The following YME1L1 variants were observed in gnomAD, a reference collection of about 807,000 sequenced individuals.
YME1L1 encodes YME1 like 1 ATPase.
YME1L1 carries 39 observed loss-of-function variants against 90.4 expected under a neutral mutation model. That is an observed-to-expected ratio of 0.43 (90% CI 0.33 to 0.56). The LOEUF (loss-of-function observed/expected upper bound fraction) is 0.56, where lower values mean the gene tolerates loss of function less well. Ranked by LOEUF, YME1L1 falls within the 20% of genes least tolerant of loss-of-function variation. YME1L1 has a pLI of 0.03. For missense variants in YME1L1, 617 were observed against 868.4 expected, an observed-to-expected ratio of 0.71 and a Z score of 3.64; for synonymous variants, 284 against 287.3, an observed-to-expected ratio of 0.99 and a Z score of 0.12.
At chr10:27,132,578 T>C (rs1217591646) in intron 7 of YME1L1, among the ~76,000 whole-genome samples, 1 of 151,838 alleles carries the variant, frequency 6.6e-6, no homozygotes, top group Non-Finnish European at 1.5e-5. Context: ...TCCCAGCACT[T>C]TGGGAGGCTG....
At chr10:27,133,718 T>C (rs778003296) in intron 7 of YME1L1, among the ~76,000 whole-genome samples, 2 of 152,208 alleles carry the variant, frequency 1.3e-5, no homozygotes, top group Non-Finnish European at 2.9e-5. Context: ...TGTGATTTTA[T>C]GAATAAACTG....
At chr10:27,140,009 A>T (rs938654557) in intron 4 of YME1L1, among the ~76,000 whole-genome samples, 3 of 151,246 alleles carry the variant, frequency 2.0e-5, no homozygotes, top group South Asian at 2.1e-4. Context: ...TATATCTTAA[A>T]TTTTTTTTTC....
chr10:27,127,734 A>G (rs1294442865), intron 8 of YME1L1, among the ~76,000 whole-genome samples: 3 of 152,214 alleles, frequency 2.0e-5, no homozygotes, highest in South Asian at 2.1e-4. Context: ...GGAGGCATCA[A>G]GGAGGTTCTG....
Position 27,138,764 on chromosome 10 carries a change from T to A in YME1L1, c.431-2379A>T, listed in dbSNP as rs991615458. Among the ~76,000 whole-genome samples, 10 of 152,262 alleles carry A rather than the reference T, an allele frequency of 6.6e-5. No individual in the cohort carries two copies. In the South Asian group the frequency reaches 1.7e-3, roughly 25 times the overall value. On this transcript the variant is annotated intron_variant, in intron 4 of 18. Transcript: ENST00000376016. ...TATAATTTTACTCCTTCTTTTGACT[T>A]ACATATGGCTCATTTCGTTTTCTTT...
intron 9 of YME1L1, 48 bp downstream of exon 9, chr10:27,126,648 T>C (rs773616886): frequency 1.9e-6 from 2 of 1,042,034 alleles, no homozygotes; most frequent in South Asian, 3.3e-5. Context: ...GTTTGTTTCT[T>C]TGTTTTTGTT....
chr10:27,119,782 C>T (rs2056848058), intron 13 of YME1L1, among the ~76,000 whole-genome samples: 1 of 149,998 alleles, frequency 6.7e-6, no homozygotes, highest in Non-Finnish European at 1.5e-5. Flanking sequence ...CCACTCCAGC[C>T]TAGGCAAAAA....
At chr10:27,127,918 C>T (rs537093100) in intron 8 of YME1L1, among the ~76,000 whole-genome samples, 57 of 152,166 alleles carry the variant, frequency 3.7e-4, no homozygotes, top group African/African-American at 1.3e-3. Flanking sequence ...TATCCATGTA[C>T]TAAAAGAAGA....
At position 27,134,107 on chromosome 10, in the gene YME1L1, G is replaced by C. The variant is rs767298905; in HGVS notation, c.707C>G (p.Thr236Ser). ...CAGCAGAACGAAGAGAATCAGACGG[G>C]TTCGCCTTAGGGAATCTAGGAGAGA... Reference protein sequence around the residue: ...TQKTNDSLRRTRLILFVLLLF... With the variant: ...TQKTNDSLRRSRLILFVLLLF... Residue 236 changes from threonine (T) to serine (S), a missense_variant, in exon 7 of 19, where the codon ACC (threonine) becomes AGC (serine). By Grantham distance (58) the Thr-to-Ser change is moderately conservative (BLOSUM62 1). This residue lies in a region of YME1L1 where 311 missense variants were observed against 335.8 expected (regional missense o/e 0.93). Transcript: ENST00000376016. The C allele has an allele frequency of 1.2e-6, 2 of 1,612,530 alleles. No homozygotes were observed. Among genetic ancestry groups the C allele is most frequent in the African/African-American group, 2.7e-5 (2 of 74,866 alleles).
intron 4 of YME1L1, among the ~76,000 whole-genome samples, chr10:27,140,735 C>T (rs1247486708): frequency 6.6e-6 from 1 of 152,164 alleles, no homozygotes; most frequent in African/African-American, 2.4e-5. Context: ...CCTCGGCCTA[C>T]CAAAGTGCTG....
chr10:27,149,405 G>C (rs1335151373), intron 1 of YME1L1, among the ~76,000 whole-genome samples: 2 of 152,106 alleles, frequency 1.3e-5, no homozygotes, highest in African/African-American at 4.8e-5. Context: ...CATTAGGGGA[G>C]CGGCAAAACA....
Position 27,154,165 on chromosome 10 carries a change from A to AC in YME1L1, c.33+12_33+13insG. On this transcript the variant is annotated intron_variant, in intron 1 of 18. Coordinates refer to ENST00000376016, the MANE Select transcript of YME1L1 (RefSeq NM_014263.4). ...GGCGGGAGGAAAAAAAATGGGCTGA[A>AC]TGCCTGGCTTACCTGGGGTTGCACC... 2 of 1,586,914 alleles carry AC rather than the reference A, an allele frequency of 1.3e-6. No homozygotes were observed. Among genetic ancestry groups the AC allele is most frequent in the South Asian group, 2.3e-5 (2 of 87,270 alleles).
intron 8 of YME1L1, 52 bp downstream of exon 8, chr10:27,131,807 G>T: frequency 7.3e-7 from 1 of 1,365,334 alleles, no homozygotes. Flanking sequence ...ACCTCATATA[G>T]AGTATCAATT....
intron 17 of YME1L1, among the ~76,000 whole-genome samples, chr10:27,115,633 G>A (rs1237767057): frequency 6.6e-6 from 1 of 151,994 alleles, no homozygotes; most frequent in African/African-American, 2.4e-5. Context: ...TTTTAAGTCT[G>A]GTTCTCAGTA....
chr10:27,137,735 T>C (rs2057043952), intron 4 of YME1L1, among the ~76,000 whole-genome samples: 1 of 152,200 alleles, frequency 6.6e-6, no homozygotes, highest in Non-Finnish European at 1.5e-5. Context: ...TTTTATTGAC[T>C]ATTTTTATTT....
rs1564453537 is a variant in YME1L1 at position 27,112,560 on chromosome 10, T to TA, written c.2008-441dup. Among the ~76,000 whole-genome samples the TA allele has an allele frequency of 2.6e-5, 4 of 152,304 alleles. No individual in the cohort carries two copies. The South Asian group carries it at 8.3e-4, about 32-fold the overall frequency. On this transcript the variant is annotated intron_variant, in intron 18 of 18. Transcript: ENST00000376016. The stretch of plus-strand genomic sequence containing the variant: ...CCCATTACCTCTTTCAGACCATTAC[T>TA]AACCTACCCTCTTATATAATGCACT...
intron 9 of YME1L1, among the ~76,000 whole-genome samples, chr10:27,126,147 T>C (rs757101674): frequency 1.5e-4 from 23 of 152,144 alleles, no homozygotes; most frequent in Non-Finnish European, 2.8e-4. Context: ...TGAATGATTT[T>C]TAAAATGGAG....
chr10:27,121,738 AC>A (rs1170592177), intron 11 of YME1L1, among the ~76,000 whole-genome samples: 1 of 146,492 alleles, frequency 6.8e-6, no homozygotes, highest in Non-Finnish European at 1.5e-5. Context: ...ATTTCTAGGT[AC>A]AAGCCACTAT....
intron 8 of YME1L1, among the ~76,000 whole-genome samples, chr10:27,128,199 A>G (rs564931991): frequency 6.6e-6 from 1 of 152,324 alleles, no homozygotes; most frequent in Admixed American, 6.5e-5. Context: ...TAGGCAAGGA[A>G]ATGACATTCC....
chr10:27,120,328 T>G, intron 13 of YME1L1, 107 bp downstream of exon 13: 1 of 717,066 alleles, frequency 1.4e-6, no homozygotes, highest in Non-Finnish European at 2.2e-6. Context: ...AAGACAAAAA[T>G]GAACTGGTCT....
Sources: gnomAD v4.1 joint callset for allele counts (sites outside exome capture counted in the v4.1 genomes callset) on GRCh38, gnomAD v4.1.1 for gene constraint, gnomAD v4.1.1 regional missense constraint, MANE v1.5 for transcripts, NCBI Gene and HGNC (gene_info 2026-07-23, HGNC 2026-07-21) for gene names.